The following RSPO2 variants were observed in gnomAD, a reference collection of about 807,000 sequenced individuals.
RSPO2 encodes R-spondin 2.
Under a neutral mutation model 30.9 loss-of-function variants are expected in RSPO2, and 14 were observed. That is an observed-to-expected ratio of 0.45 (90% confidence interval 0.30 to 0.71). RSPO2 has a LOEUF of 0.71. Ranked by LOEUF, RSPO2 falls within the 30% of genes least tolerant of loss-of-function variation. The pLI is 0.08. For synonymous variants in RSPO2, 107 were observed against 96.4 expected, an observed-to-expected ratio of 1.11 and a Z score of -0.64; for missense variants, 264 against 301.9, an observed-to-expected ratio of 0.87 and a Z score of 0.93.
intron 2 of RSPO2, among the ~76,000 whole-genome samples, chr8:108,006,957 T>C (rs1342850660): frequency 6.6e-6 from 1 of 152,188 alleles, no homozygotes; most frequent in Non-Finnish European, 1.5e-5. Context: ...CCACCCTATA[T>C]TCTTCAGCAT....
chr8:108,048,477 C>G (rs1303891238), intron 2 of RSPO2, among the ~76,000 whole-genome samples: 2 of 151,850 alleles, frequency 1.3e-5, no homozygotes, highest in Non-Finnish European at 2.9e-5. Flanking sequence ...CTTAAAGTTC[C>G]AACACTTAAA....
At chr8:107,934,616 C>A (rs959487256) in intron 5 of RSPO2, among the ~76,000 whole-genome samples, 2 of 152,122 alleles carry the variant, frequency 1.3e-5, no homozygotes, top group Non-Finnish European at 2.9e-5. Context: ...AGGTGATCTG[C>A]CTGCCTCAGC....
intron 5 of RSPO2, among the ~76,000 whole-genome samples, chr8:107,933,130 G>A (rs1196066765): frequency 2.0e-5 from 3 of 152,054 alleles, no homozygotes; most frequent in Non-Finnish European, 2.9e-5. Flanking sequence ...CAGCCATGAT[G>A]CAACTTTCTC....
At chr8:107,996,100 C>CTT (rs1563555629) in intron 2 of RSPO2, among the ~76,000 whole-genome samples, 1 of 151,858 alleles carries the variant, frequency 6.6e-6, no homozygotes, top group East Asian at 1.9e-4. Context: ...TTCTCTGTGC[C>CTT]AGAAAGGGTA....
chr8:108,037,189 G>A (rs997167789), intron 2 of RSPO2, among the ~76,000 whole-genome samples: 2 of 152,184 alleles, frequency 1.3e-5, no homozygotes, highest in African/African-American at 4.8e-5. Context: ...CTCAAGTTGT[G>A]AATGCAAAGG....
In RSPO2 at chr8:107,901,177, T is replaced by C; in HGVS notation, c.630A>G (p.Pro210=). 1 of 1,613,612 alleles carries C rather than the reference T, an allele frequency of 6.2e-7. No homozygotes were observed. Among genetic ancestry groups the C allele is most frequent in the Non-Finnish European group, 8.5e-7 (1 of 1,179,784 alleles). Residue 210 remains proline (P), a synonymous_variant, in exon 6 of 6, where the codon CCA becomes CCG. Coordinates refer to ENST00000276659, the MANE Select transcript of RSPO2 (RefSeq NM_178565.5). ...TCTTGTTCCTCTTCTCCTTCGCCTT[T>C]GGTGTTCTCTTCCCTGCAATGAAGG... ...MRHCPGGKRT[P]KAKEKRNKKK... is the part of the protein sequence containing the mutation.
intron 5 of RSPO2, among the ~76,000 whole-genome samples, chr8:107,925,688 A>G (rs556388713): frequency 2.0e-5 from 3 of 152,082 alleles, no homozygotes; most frequent in Admixed American, 1.3e-4. Flanking sequence ...GTTTGCTGAG[A>G]ATGATGGTTT....
intron 5 of RSPO2, among the ~76,000 whole-genome samples, chr8:107,929,786 C>G (rs1363660537): frequency 6.6e-6 from 1 of 152,088 alleles, no homozygotes; most frequent in Non-Finnish European, 1.5e-5. Context: ...TTTCTTCCAC[C>G]TATCCAAATA....
intron 2 of RSPO2, among the ~76,000 whole-genome samples, chr8:108,008,999 A>G (rs1810600405): frequency 6.6e-6 from 1 of 152,172 alleles, no homozygotes; most frequent in Non-Finnish European, 1.5e-5. Context: ...AATTAATTAG[A>G]CATGAAAAGA....
At chr8:107,982,310 C>T (rs1470088449) in intron 3 of RSPO2, among the ~76,000 whole-genome samples, 2 of 152,144 alleles carry the variant, frequency 1.3e-5, no homozygotes, top group Non-Finnish European at 2.9e-5. Flanking sequence ...TTAATTTCAG[C>T]ATATTTCTGA....
intron 2 of RSPO2, among the ~76,000 whole-genome samples, chr8:107,992,468 C>A (rs1814880173): frequency 1.3e-5 from 2 of 152,046 alleles, no homozygotes; most frequent in African/African-American, 4.8e-5. Flanking sequence ...AGCCTTAATA[C>A]CTGGGTGATG....
intron 5 of RSPO2, among the ~76,000 whole-genome samples, chr8:107,948,037 C>T (rs111227845): frequency 6.6e-6 from 1 of 152,350 alleles, no homozygotes; most frequent in East Asian, 1.9e-4. Context: ...AGGAACTATT[C>T]CTATTCCCTG....
intron 2 of RSPO2, among the ~76,000 whole-genome samples, chr8:108,029,052 G>GTTTTTTTTT (rs1563570335): frequency 2.0e-5 from 1 of 48,852 alleles, no homozygotes; most frequent in Admixed American, 3.2e-4. Flanking sequence ...GTTAACATGA[G>GTTTTTTTTT]TCTTTTTTTT....
At chr8:107,971,646 T>C (rs565858353) in intron 3 of RSPO2, among the ~76,000 whole-genome samples, 18 of 152,324 alleles carry the variant, frequency 1.2e-4, no homozygotes, top group African/African-American at 3.8e-4. Context: ...GGTGTATCCA[T>C]ACAGGTGCTA....
chr8:107,950,491 TG>T (rs199979161), intron 5 of RSPO2, among the ~76,000 whole-genome samples: 4 of 80,068 alleles, frequency 5.0e-5, no homozygotes, highest in African/African-American at 1.2e-4. Flanking sequence ...CATTTTGGGG[TG>T]TTTTTTTTTT....
At chr8:107,999,176 C>T (rs1393540233) in intron 2 of RSPO2, among the ~76,000 whole-genome samples, 9 of 151,554 alleles carry the variant, frequency 5.9e-5, no homozygotes, top group African/African-American at 1.2e-4. Flanking sequence ...TTGAGAAACT[C>T]ATATTAATTT....
At chr8:107,939,824 A>T (rs556654867) in intron 5 of RSPO2, among the ~76,000 whole-genome samples, 2 of 152,166 alleles carry the variant, frequency 1.3e-5, no homozygotes, top group East Asian at 3.9e-4. Flanking sequence ...TTTTTCTGGG[A>T]CTGTCTGGCA....
rs115195270 is a variant in RSPO2, at chr8:108,019,647, C to T, written c.95-30403G>A. Among the ~76,000 whole-genome samples the T allele has an allele frequency of 3.8e-3, 572 of 152,284 alleles. 2 individuals are homozygous for T. Among genetic ancestry groups the T allele is most frequent in the African/African-American group, 0.013 (539 of 41,558 alleles). Reference sequence around the variant, plus strand: ...AAATCAAGCTGGGTGAGAAAGACCACAATTGCCTCCCTTCTCTTTTTATTT... The same window carrying T: ...AAATCAAGCTGGGTGAGAAAGACCATAATTGCCTCCCTTCTCTTTTTATTT... On this transcript the variant is annotated intron_variant, in intron 2 of 5. Transcript: ENST00000276659.
chr8:108,038,600 T>C (rs1811663100), intron 2 of RSPO2, among the ~76,000 whole-genome samples: 1 of 152,128 alleles, frequency 6.6e-6, no homozygotes, highest in Admixed American at 6.5e-5. Context: ...TCCATCAATG[T>C]GGCAAACATT....
Sources: gnomAD v4.1 joint callset for allele counts (sites outside exome capture counted in the v4.1 genomes callset) on GRCh38, gnomAD v4.1.1 for gene constraint, MANE v1.5 for transcripts, NCBI Gene and HGNC (gene_info 2026-07-23, HGNC 2026-07-21) for gene names.